The following RBM23 variants were observed in gnomAD, a reference collection of about 807,000 sequenced individuals.
The protein encoded by RBM23 is RNA binding motif protein 23.
In RBM23, 53 loss-of-function variants were observed where a neutral mutation model predicts 56.2. The observed-to-expected ratio is 0.94, with a 90% CI of 0.76 to 1.19. RBM23 has a LOEUF of 1.19. RBM23 is among the 50% of genes most tolerant of loss of function. The pLI, the probability that RBM23 is intolerant of heterozygous loss-of-function variation, is 0.00. For missense variants in RBM23, 642 were observed against 590.3 expected, an observed-to-expected ratio of 1.09 and a Z score of -0.91; for synonymous variants, 197 against 198.5, an observed-to-expected ratio of 0.99 and a Z score of 0.06.
At position 22,905,086 on chromosome 14, in the gene RBM23, C is replaced by G; in HGVS notation, c.726+8G>C. 1 of 1,614,034 alleles carries G rather than the reference C, an allele frequency of 6.2e-7. No homozygotes were observed. Among genetic ancestry groups the G allele is most frequent in the Non-Finnish European group, 8.5e-7 (1 of 1,179,920 alleles). ...TAAAATCTTATGTCTGTTTCTCAGC[C>G]TGCTCACCTGTGAAGCCTGTACAAT... On this transcript the variant is annotated splice_region_variant and intron_variant, in intron 8 of 13. Transcript: ENST00000359890.
chr14:22,918,546 CA>C (rs1250391987), intron 1 of RBM23, among the ~76,000 whole-genome samples: 1 of 152,112 alleles, frequency 6.6e-6, no homozygotes, highest in Non-Finnish European at 1.5e-5. Flanking sequence ...CCATAAAGGT[CA>C]ACATAGTGAA....
At chr14:22,915,155 A>G (rs547055535) in intron 1 of RBM23, among the ~76,000 whole-genome samples, 4 of 152,334 alleles carry the variant, frequency 2.6e-5, no homozygotes, top group African/African-American at 4.8e-5. Context: ...ACTGCTAGAC[A>G]CTGTGCTAAG....
intron 2 of RBM23, 60 bp from the exon 3 acceptor site, chr14:22,909,655 T>G: frequency 7.7e-7 from 1 of 1,293,232 alleles, no homozygotes; most frequent in Non-Finnish European, 1.1e-6. Context: ...CAGATTCCAA[T>G]GGGCAAAGGG....
At position 22,906,250 on chromosome 14, in the gene RBM23, G is replaced by A. The variant is rs372534890; in HGVS notation, c.346C>T (p.Arg116Trp). The change falls in exon 5 of 14, where the codon CGG becomes TGG. Residue 116 changes from arginine to tryptophan, a missense_variant. By Grantham distance (101) the Arg-to-Trp change is moderately radical. Transcript: ENST00000359890. ...DRRHGSESRS[R>W]DHRREDRVHY... ...ACACGATCCTCACGACGATGGTCCC[G>A]ACTTCGCGACTCACTACCATGTCGA... 2.7e-5 allele frequency: 43 copies of A among 1,614,086 alleles called. 2 individuals carry two copies. The highest frequency in any genetic ancestry group is 2.5e-4 in the African/African-American group (19 of 74,924).
Position 22,898,478 on chromosome 14 carries a change from C to T in RBM23, c.*3252G>A, listed in dbSNP as rs2040283436. 6.6e-6 allele frequency: 1 copy of T among 152,104 alleles called. No homozygotes were observed. The highest frequency in any genetic ancestry group is 6.6e-5 in the Admixed American group (1 of 15,248). 9.4% of individuals were successfully genotyped at this position (152,104 alleles called of 1,614,324 possible). A position where few individuals can be genotyped will look rare whatever the true frequency, so the allele number is the denominator to read the frequency against. ...CCTTAAGCTGGGCCCAGAGTCTGTT[C>T]ACAGCCCGCTTCTCTCCACTCTAAC... On this transcript the variant is annotated 3_prime_UTR_variant, in exon 14 of 14. Coordinates refer to ENST00000359890, the MANE Select transcript of RBM23 (RefSeq NM_001077351.2).
chr14:22,905,980 G>T, intron 5 of RBM23: 2 of 634,050 alleles, frequency 3.2e-6, no homozygotes, highest in Non-Finnish European at 5.4e-6. Context: ...GAATTCCTGA[G>T]CCCAAGTGAT....
chr14:22,905,286 G>A (rs755170753), intron 7 of RBM23, 40 bp from the exon 8 acceptor site: 1 of 1,613,932 alleles, frequency 6.2e-7, no homozygotes, highest in African/African-American at 1.3e-5. Flanking sequence ...TAGGCATAAA[G>A]GGAGATACAA....
At chr14:22,913,247 T>C (rs957166662) in intron 1 of RBM23, among the ~76,000 whole-genome samples, 85 of 150,754 alleles carry the variant, frequency 5.6e-4, no homozygotes, top group African/African-American at 2.1e-3. Context: ...ACCCTGTCTC[T>C]ACTAAAAATA....
intron 1 of RBM23, among the ~76,000 whole-genome samples, chr14:22,916,123 G>A (rs2043440540): frequency 6.6e-6 from 1 of 152,170 alleles, no homozygotes; most frequent in Non-Finnish European, 1.5e-5. Flanking sequence ...GCCTGAAATG[G>A]AAGGATCGCT....
Position 22,900,659 on chromosome 14 carries a change from T to C in RBM23, c.*1071A>G, listed in dbSNP as rs141523057. On this transcript the variant is annotated 3_prime_UTR_variant, in exon 14 of 14. Transcript: ENST00000359890. The stretch of plus-strand genomic sequence containing the variant: ...AATAAACACAATGATGTTACTAATG[T>C]TTTATATCCCTAGAAACATCATAAG... 446 of 152,314 alleles carry C rather than the reference T, an allele frequency of 2.9e-3. 2 individuals are homozygous for C. Among genetic ancestry groups the C allele is most frequent in the African/African-American group, 0.01 (430 of 41,554 alleles). The allele number at this position is 152,314 out of a possible 1,614,324, so 9.4% of individuals were successfully genotyped here.
intron 10 of RBM23, chr14:22,902,603 A>G: frequency 7.8e-7 from 1 of 1,277,698 alleles, no homozygotes. Context: ...TCAATCTTTC[A>G]GCTCCATTAA....
chr14:22,900,245 CAA>C lies in RBM23; in HGVS notation c.*1483_*1484del, dbSNP rs1043749619. ...GGATATTGGATTGGGATCGCTACTA[CAA>C]AGAGGGTCAAAGGCAGGTACAAAGG... On this transcript the variant is annotated 3_prime_UTR_variant, in exon 14 of 14. Transcript: ENST00000359890. 12 of 152,082 alleles carry C rather than the reference CAA, an allele frequency of 7.9e-5. No individual in the cohort carries two copies. The highest frequency in any genetic ancestry group is 1.5e-4 in the Non-Finnish European group (10 of 68,040). The allele number at this position is 152,082 out of a possible 1,614,324, so 9.4% of individuals were successfully genotyped here.
intron 4 of RBM23, among the ~76,000 whole-genome samples, chr14:22,907,646 C>T (rs1209716835): frequency 6.6e-6 from 1 of 152,160 alleles, no homozygotes; most frequent in South Asian, 2.1e-4. Context: ...GTAATGATGT[C>T]ACTGATTCAT....
rs1486613744 is a variant in RBM23, at chr14:22,893,390, A to C, written c.*8340T>G. 5 of 152,222 alleles carry C rather than the reference A, an allele frequency of 3.3e-5. No homozygotes were observed. The highest frequency in any genetic ancestry group is 1.5e-5 in the Non-Finnish European group (1 of 68,048). The allele number at this position is 152,222 out of a possible 1,614,324, so 9.4% of individuals were successfully genotyped here. A position where few individuals can be genotyped will look rare whatever the true frequency, so the allele number is the denominator to read the frequency against. On this transcript the variant is annotated 3_prime_UTR_variant, in exon 14 of 14. Transcript: ENST00000359890. ...CCAATGGGGAAAACAAATACAAATA[A>C]GACACAATTTCTGCCCGTCAAATAG... is the stretch of plus-strand genomic sequence containing the variant.
rs375903046 is a variant in RBM23, at chr14:22,902,471, G to T, written c.931-89C>A. The T allele has an allele frequency of 7.0e-5, 103 of 1,480,328 alleles. 2 individuals carry two copies. The highest frequency in any genetic ancestry group is 3.8e-4 in the East Asian group (16 of 41,674). The allele number at this position is 1,480,328 out of a possible 1,614,324, so 91.7% of individuals were successfully genotyped here. A position where few individuals can be genotyped will look rare whatever the true frequency, so the allele number is the denominator to read the frequency against. On this transcript the variant is annotated intron_variant, in intron 10 of 13. Coordinates refer to ENST00000359890, the MANE Select transcript of RBM23 (RefSeq NM_001077351.2). ...AACACTCCCTAGTCCTACTATCCCA[G>T]GAAAATTGTATGCTCACTGAGGTAC...
At chr14:22,914,128 C>T (rs1452951592) in intron 1 of RBM23, 1 of 151,540 alleles carries the variant, frequency 6.6e-6, no homozygotes, top group African/African-American at 2.4e-5. Context: ...AGATCGAGAC[C>T]ATCCTGGCCA....
chr14:22,904,216 A>T, intron 10 of RBM23, 45 bp downstream of exon 10: 1 of 1,613,970 alleles, frequency 6.2e-7, no homozygotes, highest in Non-Finnish European at 8.5e-7. Flanking sequence ...AGACAAGTGG[A>T]CAAACCCAAA....
At chr14:22,916,277 G>A (rs1304320761) in intron 1 of RBM23, among the ~76,000 whole-genome samples, 5 of 148,842 alleles carry the variant, frequency 3.4e-5, no homozygotes, top group Admixed American at 6.7e-5. Context: ...TTTTTTTTGA[G>A]ACAGGATTTC....
Position 22,911,404 on chromosome 14 carries a change from C to G in RBM23, c.-10-1G>C, listed in dbSNP as rs758052745. ...GTCATCAGATGCCATCCTGTCAGAT[C>G]TGGGGAGAGGATATTAATATGTAAG... On this transcript the variant is annotated splice_acceptor_variant, in intron 1 of 13. Coordinates refer to ENST00000359890, the MANE Select transcript of RBM23 (RefSeq NM_001077351.2). LOFTEE classifies it low-confidence loss of function (5UTR_SPLICE). 6 of 1,610,986 alleles carry G rather than the reference C, an allele frequency of 3.7e-6. No individual in the cohort carries two copies. The East Asian group carries it at 6.7e-5, about 18-fold the overall frequency.
Sources: allele counts gnomAD v4.1 joint callset (sites outside exome capture counted in the v4.1 genomes callset), GRCh38; gene constraint gnomAD v4.1.1; transcripts MANE v1.5; gene names NCBI Gene and HGNC (gene_info 2026-07-23, HGNC 2026-07-21).